Variants in ATAD2B observed in about 807,000 individuals in gnomAD.
ATAD2B encodes ATPase family AAA domain-containing protein 2B.
In ATAD2B, 40 loss-of-function variants were observed where a neutral mutation model predicts 167.6. The observed-to-expected ratio is 0.24, with a 90% confidence interval of 0.19 to 0.31. The LOEUF (loss-of-function observed/expected upper bound fraction) is 0.31. Ranked by LOEUF, ATAD2B falls within the 10% of genes least tolerant of loss-of-function variation. The pLI is 1.00. For missense variants in ATAD2B, 1,242 were observed against 1,757.2 expected, an observed-to-expected ratio of 0.71 and a Z score of 5.24; for synonymous variants, 579 against 596.5, an observed-to-expected ratio of 0.97 and a Z score of 0.43.
At chr2:23,856,210 C>G in intron 13 of ATAD2B, 1 of 159,866 alleles carries the variant, frequency 6.3e-6, no homozygotes. Context: ...AAAAAAGCTT[C>G]AGACCAGAAT....
intron 13 of ATAD2B, among the ~76,000 whole-genome samples, chr2:23,836,164 A>G (rs1689925187): frequency 6.6e-6 from 1 of 152,122 alleles, no homozygotes; most frequent in African/African-American, 2.4e-5. Flanking sequence ...GGGGTGTTTG[A>G]GAGAGCAAGT....
chr2:23,777,348 A>ATATACC (rs1553380261), intron 22 of ATAD2B, among the ~76,000 whole-genome samples: 1 of 146,226 alleles, frequency 6.8e-6, no homozygotes, highest in African/African-American at 2.5e-5. Flanking sequence ...CATAATACTG[A>ATATACC]TATATCTATA....
the ATAD2B span, among the ~76,000 whole-genome samples, chr2:23,721,194 C>T: frequency 5.9e-5 from 9 of 152,220 alleles, no homozygotes; most frequent in Admixed American, 5.9e-4. Flanking sequence ...GCCAGCAGAG[C>T]AGCTAAACGC....
At chr2:23,712,637 A>G in the ATAD2B span, among the ~76,000 whole-genome samples, 1 of 152,208 alleles carries the variant, frequency 6.6e-6, no homozygotes, top group African/African-American at 2.4e-5. Context: ...AAGGATACAG[A>G]AAGTTTTCCC....
intron 22 of ATAD2B, among the ~76,000 whole-genome samples, chr2:23,773,226 T>C (rs1287473225): frequency 2.6e-5 from 4 of 152,104 alleles, no homozygotes; most frequent in South Asian, 2.1e-4. Context: ...CAGAACATGG[T>C]TGGGCATGTT....
intron 23 of ATAD2B, among the ~76,000 whole-genome samples, chr2:23,763,182 T>G (rs1418547015): frequency 6.6e-6 from 1 of 152,216 alleles, no homozygotes; most frequent in Admixed American, 6.5e-5. Flanking sequence ...TAGTATCTAC[T>G]AAGTCACTCA....
intron 17 of ATAD2B, among the ~76,000 whole-genome samples, chr2:23,811,653 G>A (rs951390965): frequency 2.0e-5 from 3 of 152,044 alleles, no homozygotes; most frequent in Admixed American, 6.6e-5. Flanking sequence ...TGCAGATGAC[G>A]GGTTGATAGG....
intron 26 of ATAD2B, 116 bp from the exon 27 acceptor site, chr2:23,754,423 G>T (rs753974750): frequency 1.2e-5 from 14 of 1,212,380 alleles, no homozygotes; most frequent in Non-Finnish European, 1.6e-5. Flanking sequence ...CAGTGAACAT[G>T]AAATTAAAAG....
chr2:23,819,923 C>T, intron 16 of ATAD2B, 41 bp from the exon 17 acceptor site: 1 of 1,431,706 alleles, frequency 7.0e-7, no homozygotes, highest in East Asian at 2.4e-5. Context: ...CTTATAAAGT[C>T]ATTTAATATT....
chr2:23,684,803 C>G, the ATAD2B span, among the ~76,000 whole-genome samples: 7 of 152,132 alleles, frequency 4.6e-5, no homozygotes, highest in African/African-American at 1.7e-4. This position sits in a 1 kb window ranked among gnomAD's most constrained non-coding sequence, Gnocchi z 4.4. Flanking sequence ...CAGCAGTAGA[C>G]AACACCGTGC....
At chr2:23,882,643 C>CA (rs1698101724) in intron 6 of ATAD2B, among the ~76,000 whole-genome samples, 1 of 150,636 alleles carries the variant, frequency 6.6e-6, no homozygotes, top group South Asian at 2.1e-4. Flanking sequence ...CCCATCTCTA[C>CA]AAAAAATACA....
the ATAD2B span, among the ~76,000 whole-genome samples, chr2:23,714,404 A>G: frequency 1.4e-5 from 1 of 73,140 alleles, no homozygotes. Context: ...CACGCCCGGC[A>G]AATTTTTTTT....
chr2:23,725,752 T>C, the ATAD2B span, among the ~76,000 whole-genome samples: 19 of 152,118 alleles, frequency 1.2e-4, 1 homozygote. Flanking sequence ...TACAATACAA[T>C]GGTAGAGTTA....
At chr2:23,730,157 T>C in the ATAD2B span, among the ~76,000 whole-genome samples, 2 of 152,178 alleles carry the variant, frequency 1.3e-5, no homozygotes, top group Admixed American at 6.5e-5. Flanking sequence ...GATTGCATTC[T>C]GGATAACAAA....
At chr2:23,885,889 C>CTT in intron 4 of ATAD2B, 60 bp from the exon 5 acceptor site, 1 of 998,766 alleles carries the variant, frequency 1.0e-6, no homozygotes, top group Non-Finnish European at 1.5e-6. Context: ...CATAAAAGAG[C>CTT]TCTTTGTGAA....
At chr2:23,722,027 C>G in the ATAD2B span, among the ~76,000 whole-genome samples, 3 of 152,252 alleles carry the variant, frequency 2.0e-5, no homozygotes, top group African/African-American at 7.2e-5. Context: ...GAGGACTACA[C>G]TACTGTGTCT....
intron 13 of ATAD2B, among the ~76,000 whole-genome samples, chr2:23,839,229 T>A (rs994799495): frequency 6.6e-6 from 1 of 152,100 alleles, no homozygotes; most frequent in Non-Finnish European, 1.5e-5. Context: ...ATGCATATCT[T>A]GTATAGCTTT....
Position 23,887,883 on chromosome 2 carries a change from T to G in ATAD2B, c.521A>C (p.Asn174Thr). 1 of 1,610,806 alleles carries G rather than the reference T, an allele frequency of 6.2e-7. No homozygotes were observed. The highest frequency in any genetic ancestry group is 8.5e-7 in the Non-Finnish European group (1 of 1,178,866). The stretch of plus-strand genomic sequence containing the variant: ...ACTCTGGTTCACACTTTCAAATCTG[T>G]TTTTCCTGGAACGACAACTTTTTCT... The part of the protein sequence containing the change: ...EVRKSCRSRK[N>T]RFESVNQSLL... Residue 174 changes from asparagine (N) to threonine (T), a missense_variant, in exon 4 of 28, where the codon AAC (asparagine) becomes ACC (threonine). Asn to Thr is a moderately conservative substitution (Grantham distance 65, BLOSUM62 0). Transcript: ENST00000238789.
At chr2:23,803,757 C>T (rs1463776828) in intron 18 of ATAD2B, among the ~76,000 whole-genome samples, 1 of 152,108 alleles carries the variant, frequency 6.6e-6, no homozygotes, top group African/African-American at 2.4e-5. Context: ...GAAACATGAT[C>T]CCCACAGTAT....
Sources: gnomAD v4.1 joint callset for allele counts (sites outside exome capture counted in the v4.1 genomes callset) on GRCh38, gnomAD v4.1.1 for gene constraint, Gnocchi (gnomAD v3.1) non-coding constraint, MANE v1.5 for transcripts, NCBI Gene and HGNC (gene_info 2026-07-23, HGNC 2026-07-21) for gene names.